The following HS6ST3 variants were observed in gnomAD, a reference collection of about 807,000 sequenced individuals.
HS6ST3 encodes the protein heparan-sulfate 6-O-sulfotransferase 3.
HS6ST3 carries 12 observed loss-of-function variants against 36.7 expected under a neutral mutation model. The ratio of observed to expected loss-of-function variants is 0.33; its 90% CI spans 0.21 to 0.53. HS6ST3 has a LOEUF of 0.53. HS6ST3 is among the 20% of genes least tolerant of loss of function. The pLI is 0.95. For synonymous variants in HS6ST3, 240 were observed against 257.5 expected (o/e 0.93, Z 0.65); for missense variants, 584 against 640.9 (o/e 0.91, Z 0.96).
Position 96,091,206 on chromosome 13 carries a change from C to A in HS6ST3, c.344C>A (p.Pro115Gln). ...GAAGACGAGCCGGACCCCGAGGCCC[C>A]GGAAAACGGCTCCCTGCCCCGATTC... ...EEEDEPDPEA[P>Q]ENGSLPRFVP... The change falls in exon 1 of 2, where the codon CCG becomes CAG. Residue 115 changes from proline (P) to glutamine (Q), a missense_variant. Physicochemically the swap from Pro to Gln is moderately conservative, Grantham distance 76. Transcript: ENST00000376705. 4 of 1,563,804 alleles carry A rather than the reference C, an allele frequency of 2.6e-6. No homozygotes were observed. Among genetic ancestry groups the A allele is most frequent in the Non-Finnish European group, 2.6e-6 (3 of 1,153,752 alleles).
intron 1 of HS6ST3, among the ~76,000 whole-genome samples, chr13:96,506,445 A>G (rs939676173): frequency 7.2e-5 from 11 of 152,188 alleles, no homozygotes; most frequent in Non-Finnish European, 1.5e-5. Flanking sequence ...TACTATATAC[A>G]AGTGGGGAAA....
intron 1 of HS6ST3, among the ~76,000 whole-genome samples, chr13:96,340,252 T>G (rs1215299743): frequency 6.6e-6 from 1 of 152,054 alleles, no homozygotes; most frequent in Non-Finnish European, 1.5e-5. Context: ...ATACTATCTG[T>G]GGAAACAAAA....
chr13:96,237,841 C>A (rs2054541818), intron 1 of HS6ST3, among the ~76,000 whole-genome samples: 1 of 152,164 alleles, frequency 6.6e-6, no homozygotes, highest in Admixed American at 6.5e-5. Context: ...TTTTAAACTC[C>A]AGACCCTCTT....
At chr13:96,762,869 C>A (rs950688569) in intron 1 of HS6ST3, among the ~76,000 whole-genome samples, 1 of 152,156 alleles carries the variant, frequency 6.6e-6, no homozygotes, top group African/African-American at 2.4e-5. Flanking sequence ...GTCCACTGAC[C>A]TTTCTCTCCT....
chr13:96,496,495 T>C (rs1242198823), intron 1 of HS6ST3, among the ~76,000 whole-genome samples: 1 of 152,150 alleles, frequency 6.6e-6, no homozygotes, highest in Non-Finnish European at 1.5e-5. Flanking sequence ...GGAAGCCAGC[T>C]GCCAAATAAG....
At chr13:96,760,165 A>AT (rs1286129645) in intron 1 of HS6ST3, among the ~76,000 whole-genome samples, 1 of 151,986 alleles carries the variant, frequency 6.6e-6, no homozygotes, top group African/African-American at 2.4e-5. Context: ...AACTCTTTAA[A>AT]TTTTTTTGTT....
At chr13:96,208,390 G>A (rs1399484799) in intron 1 of HS6ST3, among the ~76,000 whole-genome samples, 1 of 152,114 alleles carries the variant, frequency 6.6e-6, no homozygotes, top group Non-Finnish European at 1.5e-5. Flanking sequence ...GCTGTAGGGA[G>A]CATTGTTGGC....
chr13:96,652,185 A>G (rs1339014357), intron 1 of HS6ST3, among the ~76,000 whole-genome samples: 1 of 152,088 alleles, frequency 6.6e-6, no homozygotes, highest in Non-Finnish European at 1.5e-5. Context: ...CATATATATA[A>G]TACTGTATTA....
At chr13:96,644,966 A>G (rs1369361719) in intron 1 of HS6ST3, among the ~76,000 whole-genome samples, 1 of 152,048 alleles carries the variant, frequency 6.6e-6, no homozygotes, top group Non-Finnish European at 1.5e-5. Context: ...TTTATAAAGT[A>G]GATCAGTCTT....
At chr13:96,457,943 C>A (rs1362916886) in intron 1 of HS6ST3, among the ~76,000 whole-genome samples, 1 of 151,878 alleles carries the variant, frequency 6.6e-6, no homozygotes, top group African/African-American at 2.4e-5. Flanking sequence ...AGAGTCTATA[C>A]TACTGGGTTC....
chr13:96,669,168 T>A (rs776305301), intron 1 of HS6ST3, among the ~76,000 whole-genome samples: 1 of 152,128 alleles, frequency 6.6e-6, no homozygotes, highest in African/African-American at 2.4e-5. Context: ...GCACACATAT[T>A]TGTGAGAATC....
intron 1 of HS6ST3, among the ~76,000 whole-genome samples, chr13:96,697,372 C>CT (rs1443527502): frequency 6.6e-6 from 1 of 151,712 alleles, no homozygotes; most frequent in Non-Finnish European, 1.5e-5. Flanking sequence ...TCCATGTACT[C>CT]TAACATATGG....
At chr13:96,103,955 T>G (rs1594677110) in intron 1 of HS6ST3, among the ~76,000 whole-genome samples, 1 of 2,794 alleles carries the variant, frequency 3.6e-4, no homozygotes, top group African/African-American at 8.9e-4. Context: ...TTTGAGGTGT[T>G]TTTTTTTTTT....
At chr13:96,440,421 G>C (rs181787070) in intron 1 of HS6ST3, among the ~76,000 whole-genome samples, 6 of 149,824 alleles carry the variant, frequency 4.0e-5, no homozygotes, top group Non-Finnish European at 7.4e-5. Flanking sequence ...ACTCCAGTCT[G>C]GGTGACCGAG....
At chr13:96,611,976 C>T (rs1207939673) in intron 1 of HS6ST3, among the ~76,000 whole-genome samples, 1 of 152,050 alleles carries the variant, frequency 6.6e-6, no homozygotes, top group Non-Finnish European at 1.5e-5. Context: ...GAAGCAACAA[C>T]GTGGAGGCTG....
intron 1 of HS6ST3, among the ~76,000 whole-genome samples, chr13:96,202,341 C>G (rs2054346746): frequency 1.3e-5 from 2 of 152,172 alleles, no homozygotes; most frequent in South Asian, 4.1e-4. Flanking sequence ...TTAATGCTTT[C>G]TAGCTACTAT....
chr13:96,177,905 TAAAC>T (rs1472889609), intron 1 of HS6ST3, among the ~76,000 whole-genome samples: 2 of 152,206 alleles, frequency 1.3e-5, no homozygotes, highest in Non-Finnish European at 2.9e-5. Flanking sequence ...CCAATTCAAA[TAAAC>T]AATTGTGGTT....
At chr13:96,462,941 G>T (rs1478911284) in intron 1 of HS6ST3, among the ~76,000 whole-genome samples, 1 of 152,112 alleles carries the variant, frequency 6.6e-6, no homozygotes, top group African/African-American at 2.4e-5. Flanking sequence ...AATGTGTGAG[G>T]TTAGGCAAAT....
chr13:96,200,557 GACCATGGCAT>G (rs1278238178), intron 1 of HS6ST3, among the ~76,000 whole-genome samples: 2 of 152,076 alleles, frequency 1.3e-5, no homozygotes, highest in Non-Finnish European at 2.9e-5. Context: ...TCTCTCCCCA[GACCATGGCAT>G]ACCTAGTCCT....
Sources: allele counts gnomAD v4.1 joint callset (sites outside exome capture counted in the v4.1 genomes callset), GRCh38; gene constraint gnomAD v4.1.1; transcripts MANE v1.5; gene names NCBI Gene and HGNC (gene_info 2026-07-23, HGNC 2026-07-21).